DDX60L: variants seen among roughly 807,000 people sequenced by gnomAD.
DDX60L encodes the protein DExD/H-box 60 like.
In DDX60L, 191 loss-of-function variants were observed where a neutral mutation model predicts 211.6. The observed-to-expected ratio is 0.90, with a 90% CI of 0.80 to 1.02. DDX60L has a LOEUF of 1.02. DDX60L is among the 50% of genes least tolerant of loss of function. The probability of loss-of-function intolerance (pLI) is 0.00; values close to 1 mark genes in which losing one functional copy is unlikely to be tolerated. For missense variants in DDX60L, 2,007 were observed against 1,984.1 expected (o/e 1.01, Z -0.22); for synonymous variants, 706 against 694.1 (o/e 1.02, Z -0.27).
intron 37 of DDX60L, among the ~76,000 whole-genome samples, chr4:168,360,593 C>A (rs1738935158): frequency 6.6e-6 from 1 of 152,176 alleles, no homozygotes; most frequent in African/African-American, 2.4e-5. Context: ...GAAAATGGAG[C>A]TAGACAAAAA....
At chr4:168,358,807 C>G (rs1041283138) in intron 37 of DDX60L, among the ~76,000 whole-genome samples, 1 of 152,008 alleles carries the variant, frequency 6.6e-6, no homozygotes, top group Non-Finnish European at 1.5e-5. Flanking sequence ...CGTGGGCCAC[C>G]GTGTCCGGCC....
At position 168,384,755 on chromosome 4, in the gene DDX60L, CAA is replaced by C; in HGVS notation, c.3971_3972del (p.Phe1324Ter). On this transcript the variant is annotated frameshift_variant, in exon 30 of 38. Transcript: ENST00000682922. LOFTEE classifies it high-confidence loss of function. ...GQDLLGNVYF[F>X]DIPLPKIKRL... Reference sequence around the variant, plus strand: ...CTTTTTATTTTGGGCAATGGGATATCAAAGAAATACACATTTCCAAGCAGGTC... The same window carrying C: ...CTTTTTATTTTGGGCAATGGGATATCAGAAATACACATTTCCAAGCAGGTC... 1 of 1,613,612 alleles carries C rather than the reference CAA, an allele frequency of 6.2e-7. No homozygotes were observed. The highest frequency in any genetic ancestry group is 8.5e-7 in the Non-Finnish European group (1 of 1,179,802).
intron 8 of DDX60L, among the ~76,000 whole-genome samples, chr4:168,449,667 A>AAAAAAAAAAAAAAAAAC (rs1755486793): frequency 1.1e-4 from 1 of 8,974 alleles, no homozygotes; most frequent in African/African-American, 3.8e-4. Flanking sequence ...AAAAAAAAAG[A>AAAAAAAAAAAAAAAAAC]AAAAAGAAAA....
chr4:168,433,175 G>A lies in DDX60L; in HGVS notation c.1295-60C>T, dbSNP rs1048957322. On this transcript the variant is annotated intron_variant, in intron 10 of 37. Coordinates refer to ENST00000682922, the MANE Select transcript of DDX60L (RefSeq NM_001012967.3). ...GGTGTAACTATCCTATATGAATTTT[G>A]AACATTATTTTTAAAATTTCAAATG... 1.0e-4 allele frequency: 116 copies of A among 1,137,646 alleles called. 1 individual carries two copies. Among genetic ancestry groups the A allele is most frequent in the Non-Finnish European group, 1.4e-4 (113 of 803,582 alleles). 70.5% of individuals were successfully genotyped at this position (1,137,646 alleles called of 1,614,324 possible).
At chr4:168,393,220 G>A (rs1404940315) in intron 28 of DDX60L, among the ~76,000 whole-genome samples, 1 of 152,150 alleles carries the variant, frequency 6.6e-6, no homozygotes, top group Non-Finnish European at 1.5e-5. Context: ...AAATGGCTGG[G>A]CATGGTGGCT....
At chr4:168,459,687 C>T (rs1368332524) in intron 5 of DDX60L, among the ~76,000 whole-genome samples, 2 of 151,044 alleles carry the variant, frequency 1.3e-5, no homozygotes, top group African/African-American at 2.4e-5. Flanking sequence ...ACCAAGGAGG[C>T]GGAGGTTGCA....
intron 20 of DDX60L, among the ~76,000 whole-genome samples, chr4:168,416,012 C>A (rs1046146804): frequency 3.9e-5 from 6 of 152,132 alleles, no homozygotes; most frequent in Non-Finnish European, 8.8e-5. Context: ...TAGAAGATAA[C>A]GAAAGTATCT....
chr4:168,379,685 G>T, intron 31 of DDX60L, 41 bp downstream of exon 31: 1 of 1,487,798 alleles, frequency 6.7e-7, no homozygotes, highest in Non-Finnish European at 9.3e-7. Flanking sequence ...AGTTTACACG[G>T]TACTAGTTAC....
rs554481000 is a variant in DDX60L, at chr4:168,462,167, G to A, written c.265-127C>T. ...TGTGATCTAATTGTTTTGCTCAAGGGCCTTAAACTTGACTCCTTTCACAAG... is the reference window on the plus strand; with the variant it reads ...TGTGATCTAATTGTTTTGCTCAAGGACCTTAAACTTGACTCCTTTCACAAG... On this transcript the variant is annotated intron_variant, in intron 4 of 37. Transcript: ENST00000682922. 31 of 695,298 alleles carry A rather than the reference G, an allele frequency of 4.5e-5. 3 individuals are homozygous for A. The South Asian group carries it at 6.3e-4, about 14-fold the overall frequency. 43.1% of individuals were successfully genotyped at this position (695,298 alleles called of 1,614,324 possible).
At chr4:168,414,524 G>A (rs566352759) in intron 22 of DDX60L, among the ~76,000 whole-genome samples, 39 of 152,130 alleles carry the variant, frequency 2.6e-4, no homozygotes, top group African/African-American at 8.4e-4. Context: ...TTAAAAAAAA[G>A]GAAATCAGTA....
At chr4:168,447,955 C>T (rs1181693123) in intron 9 of DDX60L, among the ~76,000 whole-genome samples, 2 of 150,362 alleles carry the variant, frequency 1.3e-5, no homozygotes, top group African/African-American at 4.9e-5. Flanking sequence ...GTGCAGCGCA[C>T]CAGCATGGCA....
At chr4:168,403,082 G>A (rs1747116871) in intron 25 of DDX60L, among the ~76,000 whole-genome samples, 1 of 152,146 alleles carries the variant, frequency 6.6e-6, no homozygotes, top group Non-Finnish European at 1.5e-5. Context: ...AAGTAATCTA[G>A]ATAGATGTTA....
At chr4:168,455,663 C>A (rs143783634) in intron 7 of DDX60L, among the ~76,000 whole-genome samples, 3 of 152,066 alleles carry the variant, frequency 2.0e-5, no homozygotes, top group African/African-American at 7.2e-5. Context: ...TGAAACACAG[C>A]GTATAGTGGG....
chr4:168,394,170 T>C (rs1212854397), intron 28 of DDX60L, among the ~76,000 whole-genome samples: 1 of 151,242 alleles, frequency 6.6e-6, no homozygotes, highest in African/African-American at 2.4e-5. Flanking sequence ...CACTCCAGCC[T>C]GGAAAACAGA....
intron 20 of DDX60L, among the ~76,000 whole-genome samples, chr4:168,416,402 C>A (rs1174682554): frequency 6.6e-6 from 1 of 152,188 alleles, no homozygotes; most frequent in South Asian, 2.1e-4. Flanking sequence ...CCTTCTCTAA[C>A]TTCCAGGAAA....
intron 9 of DDX60L, among the ~76,000 whole-genome samples, chr4:168,443,784 A>G (rs1343611678): frequency 2.0e-5 from 3 of 151,568 alleles, no homozygotes; most frequent in Non-Finnish European, 2.9e-5. Context: ...ACTAAGCTTC[A>G]TAAGTGAGGG....
intron 29 of DDX60L, among the ~76,000 whole-genome samples, chr4:168,385,960 G>A (rs1743790887): frequency 6.6e-6 from 1 of 151,760 alleles, no homozygotes; most frequent in Non-Finnish European, 1.5e-5. Flanking sequence ...GAAGGAGAGA[G>A]GGAGGGAGTG....
chr4:168,469,075 G>T (rs1758393044), intron 4 of DDX60L: 1 of 152,160 alleles, frequency 6.6e-6, no homozygotes, highest in African/African-American at 2.4e-5. Context: ...AAATTGGCAA[G>T]CTGATTCTAA....
chr4:168,417,301 C>T (rs951518597), intron 19 of DDX60L, among the ~76,000 whole-genome samples: 10 of 152,152 alleles, frequency 6.6e-5, no homozygotes, highest in Non-Finnish European at 1.3e-4. Flanking sequence ...CCTTTCCAAC[C>T]CCATCTCAGG....
Sources: allele counts gnomAD v4.1 joint callset (sites outside exome capture counted in the v4.1 genomes callset), GRCh38; gene constraint gnomAD v4.1.1; transcripts MANE v1.5; gene names NCBI Gene and HGNC (gene_info 2026-07-23, HGNC 2026-07-21).